CASK: variants seen among roughly 807,000 people sequenced by gnomAD.
CASK encodes the protein peripheral plasma membrane protein CASK.
CASK carries 4 observed loss-of-function variants against 82.9 expected under a neutral mutation model. The ratio of observed to expected loss-of-function variants is 0.05; its 90% confidence interval spans 0.02 to 0.11. The LOEUF (loss-of-function observed/expected upper bound fraction) is 0.11. Among genes scored for constraint, CASK ranks in the 10% least tolerant of loss-of-function variants. The probability of loss-of-function intolerance (pLI) is 1.00; values close to 1 mark genes in which losing one functional copy is unlikely to be tolerated. For missense variants in CASK, 358 were observed against 720.9 expected (o/e 0.50, Z 5.76); for synonymous variants, 259 against 253.5 (o/e 1.02, Z -0.20).
At chrX:41,823,416 C>A (rs2070592519) in intron 2 of CASK, among the ~76,000 whole-genome samples, 1 of 110,576 alleles carries the variant, frequency 9.0e-6, no homozygotes, top group South Asian at 3.9e-4. Context: ...ACCCCTGCCT[C>A]CACATGCCCC....
chrX:41,580,363 T>G (rs1339617634), intron 14 of CASK, among the ~76,000 whole-genome samples: 1 of 111,620 alleles, frequency 9.0e-6, no homozygotes, highest in African/African-American at 3.3e-5. Flanking sequence ...GTATTTTTTG[T>G]AGACACGGGG....
At chrX:41,836,353 C>A (rs2147938206) in intron 2 of CASK, among the ~76,000 whole-genome samples, 1 of 111,739 alleles carries the variant, frequency 8.9e-6, no homozygotes, top group East Asian at 2.8e-4. Context: ...AGAAGCTGGT[C>A]TCTAGCAGTT....
intron 8 of CASK, among the ~76,000 whole-genome samples, chrX:41,651,071 A>G (rs1022513092): frequency 1.8e-5 from 2 of 112,298 alleles, no homozygotes; most frequent in Non-Finnish European, 3.8e-5. Flanking sequence ...ATTATGTATT[A>G]AGCTCAAATT....
chrX:41,641,095 C>T (rs1026063083), intron 8 of CASK, among the ~76,000 whole-genome samples: 17 of 105,445 alleles, frequency 1.6e-4, no homozygotes, highest in Non-Finnish European at 3.1e-4. Flanking sequence ...AAGCTATTCT[C>T]GTGCCTCAGC....
intron 22 of CASK, among the ~76,000 whole-genome samples, chrX:41,537,991 G>A (rs759860906): frequency 5.1e-4 from 56 of 109,634 alleles, no homozygotes; most frequent in African/African-American, 1.4e-3. Flanking sequence ...GATTACAGGC[G>A]TGTGCCACCA....
intron 1 of CASK, among the ~76,000 whole-genome samples, chrX:41,857,352 G>A (rs1161483377): frequency 9.0e-6 from 1 of 110,656 alleles, no homozygotes; most frequent in Non-Finnish European, 1.9e-5. Context: ...GGTACGGAAG[G>A]TTCAAATTGC....
chrX:41,585,276 G>C (rs2065639638), intron 14 of CASK: 1 of 112,825 alleles, frequency 8.9e-6, no homozygotes, highest in African/African-American at 3.2e-5. Context: ...GTATTTCACT[G>C]GACAGTGCTG....
intron 1 of CASK, among the ~76,000 whole-genome samples, chrX:41,872,539 G>A (rs2071724181): frequency 8.9e-6 from 1 of 111,788 alleles, no homozygotes; most frequent in Admixed American, 9.5e-5. Context: ...TCTTTTAAAA[G>A]AATAAACTTT....
rs1225464272 is a variant in CASK at position 41,728,967 on chromosome X, G to A, written c.429+10417C>T. On this transcript the variant is annotated intron_variant, in intron 5 of 26. Transcript: ENST00000378163. ...TAAAAATGCTTAAATATTTGGATTA[G>A]GCTTTGTCAAAGTAAAAAGCTATGT... is the stretch of plus-strand genomic sequence containing the variant. 2.4e-5 allele frequency: 3 copies of A among 122,982 alleles called. No individual in the cohort carries two copies. In the East Asian group the frequency reaches 8.4e-4, roughly 34 times the overall value. The allele number at this position is 122,982 out of a possible 1,213,427, so 10.1% of individuals were successfully genotyped here.
chrX:41,523,663 G>A (rs2064669152), intron 26 of CASK, among the ~76,000 whole-genome samples: 1 of 112,148 alleles, frequency 8.9e-6, no homozygotes. Flanking sequence ...ATTCCACAAA[G>A]GTTCCACTCC....
chrX:41,690,136 A>T (rs978246297), intron 5 of CASK, among the ~76,000 whole-genome samples: 2 of 111,873 alleles, frequency 1.8e-5, no homozygotes, highest in Non-Finnish European at 3.8e-5. Flanking sequence ...GGTCACAAGT[A>T]ATGCCCACTG....
At position 41,516,444 on chromosome X, in the gene CASK, G is replaced by A. The variant is rs2064549827; in HGVS notation, c.*3976C>T. On this transcript the variant is annotated 3_prime_UTR_variant, in exon 27 of 27. Coordinates refer to ENST00000378163, the MANE Select transcript of CASK (RefSeq NM_001367721.1). ...AAGGAAAGGCTCTGGCAAATGAAAT[G>A]ATCTGTGATTAAAGCTTGTAGCCTT... 8.9e-6 allele frequency: 1 copy of A among 112,808 alleles called. No individual in the cohort carries two copies. The highest frequency in any genetic ancestry group is 3.6e-4 in the South Asian group (1 of 2,774). The allele number at this position is 112,808 out of a possible 1,213,427, so 9.3% of individuals were successfully genotyped here. A position where few individuals can be genotyped will look rare whatever the true frequency, so the allele number is the denominator to read the frequency against.
In CASK at chrX:41,885,184, C is replaced by G. The variant is rs1236465768; in HGVS notation, c.60-31957G>C. Reference sequence around the variant, plus strand: ...GGCATGGTTAATCAATTAGGGCACTCTCTGCCAATAAACTGGAAATAAGTC... The same window carrying G: ...GGCATGGTTAATCAATTAGGGCACTGTCTGCCAATAAACTGGAAATAAGTC... On this transcript the variant is annotated intron_variant, in intron 1 of 26. Coordinates refer to ENST00000378163, the MANE Select transcript of CASK (RefSeq NM_001367721.1). Among the ~76,000 whole-genome samples the G allele has an allele frequency of 2.7e-5, 3 of 111,987 alleles. No homozygotes were observed. The Admixed American group carries it at 2.8e-4, about 11-fold the overall frequency.
At chrX:41,877,310 C>T (rs1431522017) in intron 1 of CASK, among the ~76,000 whole-genome samples, 1 of 111,611 alleles carries the variant, frequency 9.0e-6, no homozygotes, top group Admixed American at 9.5e-5. Context: ...GGGAATTAGA[C>T]TGGTCTCCAA....
At chrX:41,697,169 T>C in intron 5 of CASK, 1 of 133,922 alleles carries the variant, frequency 7.5e-6, no homozygotes, top group Non-Finnish European at 1.7e-5. Flanking sequence ...AAAATATATG[T>C]TCATTTATCA....
At chrX:41,535,959 A>G (rs1490682848) in intron 22 of CASK, among the ~76,000 whole-genome samples, 1 of 111,567 alleles carries the variant, frequency 9.0e-6, no homozygotes, top group Non-Finnish European at 1.9e-5. Context: ...GTTTCCTGTA[A>G]TATTTTTTGT....
intron 8 of CASK, among the ~76,000 whole-genome samples, chrX:41,638,305 C>T (rs1378274442): frequency 9.0e-6 from 1 of 111,244 alleles, no homozygotes; most frequent in Non-Finnish European, 1.9e-5. Flanking sequence ...TGGCTCATAC[C>T]TGTAATCCCA....
chrX:41,879,175 T>C (rs1253299889), intron 1 of CASK, among the ~76,000 whole-genome samples: 1 of 110,518 alleles, frequency 9.0e-6, no homozygotes, highest in Non-Finnish European at 1.9e-5. Flanking sequence ...GTGTAAGAAA[T>C]GGTATGCATC....
chrX:41,735,369 T>C (rs1015053536), intron 5 of CASK, among the ~76,000 whole-genome samples: 1 of 111,466 alleles, frequency 9.0e-6, no homozygotes, highest in African/African-American at 3.3e-5. Flanking sequence ...TTGGCAAAAA[T>C]ATTAACAAAT....
Sources: gnomAD v4.1 joint callset for allele counts (sites outside exome capture counted in the v4.1 genomes callset) on GRCh38, gnomAD v4.1.1 for gene constraint, MANE v1.5 for transcripts, NCBI Gene and HGNC (gene_info 2026-07-23, HGNC 2026-07-21) for gene names.